The following ESRRG variants were observed in gnomAD, a reference collection of about 807,000 sequenced individuals.
The protein encoded by ESRRG is estrogen related receptor gamma.
ESRRG carries 13 observed loss-of-function variants against 44.0 expected under a neutral mutation model. The observed-to-expected ratio is 0.30, with a 90% confidence interval of 0.19 to 0.47. The LOEUF (loss-of-function observed/expected upper bound fraction) is 0.47. ESRRG is among the 20% of genes least tolerant of loss of function. The pLI, the probability that ESRRG is intolerant of heterozygous loss-of-function variation, is 1.00. For missense variants in ESRRG, 395 were observed against 580.6 expected, an observed-to-expected ratio of 0.68 and a Z score of 3.29; for synonymous variants, 215 against 214.6, an observed-to-expected ratio of 1.00 and a Z score of -0.02.
At chr1:216,567,692 A>C (rs955820415) in intron 4 of ESRRG, among the ~76,000 whole-genome samples, 14 of 152,172 alleles carry the variant, frequency 9.2e-5, no homozygotes, top group African/African-American at 3.4e-4. Flanking sequence ...ATAACCAGTA[A>C]ATGTAAAATT....
intron 2 of ESRRG, among the ~76,000 whole-genome samples, chr1:216,842,524 T>C (rs1012605377): frequency 1.3e-5 from 2 of 152,138 alleles, no homozygotes; most frequent in African/African-American, 4.8e-5. Flanking sequence ...ATATATGTAT[T>C]CTGTCACAAA....
chr1:216,635,097 C>A (rs1311449378), intron 3 of ESRRG, among the ~76,000 whole-genome samples: 6 of 152,056 alleles, frequency 3.9e-5, no homozygotes, highest in East Asian at 1.9e-4. Context: ...AACTGTAGTA[C>A]AGGCACAAAA....
At chr1:216,781,480 A>G (rs2093933248) in intron 2 of ESRRG, among the ~76,000 whole-genome samples, 1 of 152,082 alleles carries the variant, frequency 6.6e-6, no homozygotes, top group African/African-American at 2.4e-5. Context: ...CTGTGTGAGC[A>G]TATGCAGAAG....
In ESRRG at chr1:216,615,334, C is replaced by T. The variant is rs114270180; in HGVS notation, c.589+35639G>A. On this transcript the variant is annotated intron_variant, in intron 3 of 6. Coordinates refer to ENST00000408911, the MANE Select transcript of ESRRG (RefSeq NM_001438.4). The stretch of plus-strand genomic sequence containing the variant: ...TTGAGCACTTCTTTCCTAAAGAAAT[C>T]GGGTTATACTTTCAAGTTCTTTGGC... Among the ~76,000 whole-genome samples, 128 of 152,292 alleles carry T rather than the reference C, an allele frequency of 8.4e-4. 2 individuals are homozygous for T. The highest frequency in any genetic ancestry group is 2.8e-3 in the African/African-American group (116 of 41,560).
chr1:216,625,251 C>A lies in ESRRG; in HGVS notation c.589+25722G>T, dbSNP rs1168748045. ...TTCCTTTCTCAGAAACACGTACTGG[C>A]TCAAAACTGTTGTTATATTAACTCT... is the stretch of plus-strand genomic sequence containing the variant. On this transcript the variant is annotated intron_variant, in intron 3 of 6. Coordinates refer to ENST00000408911, the MANE Select transcript of ESRRG (RefSeq NM_001438.4). 2.0e-5 allele frequency among the ~76,000 whole-genome samples: 3 copies of A among 151,962 alleles called. No individual in the cohort carries two copies. The East Asian group carries it at 5.8e-4, about 29-fold the overall frequency.
chr1:216,927,648 G>T (rs1464710771), intron 2 of ESRRG, among the ~76,000 whole-genome samples: 1 of 152,222 alleles, frequency 6.6e-6, no homozygotes, highest in Non-Finnish European at 1.5e-5. Flanking sequence ...GAGCTTGATG[G>T]CTAAGGCACG....
chr1:217,098,438 A>G (rs2092457572), intron 1 of ESRRG, among the ~76,000 whole-genome samples: 1 of 152,210 alleles, frequency 6.6e-6, no homozygotes, highest in South Asian at 2.1e-4. Context: ...GCCAAAAAGA[A>G]AGCTTAGCTT....
intron 1 of ESRRG, among the ~76,000 whole-genome samples, chr1:216,687,609 T>C (rs777577409): frequency 1.3e-5 from 2 of 152,192 alleles, no homozygotes; most frequent in African/African-American, 2.4e-5. Flanking sequence ...AAGGGATCCA[T>C]GCAATTTGTT....
intron 1 of ESRRG, among the ~76,000 whole-genome samples, chr1:217,102,358 T>G (rs2092529712): frequency 6.6e-6 from 1 of 152,210 alleles, no homozygotes; most frequent in Non-Finnish European, 1.5e-5. Context: ...ATTGCTGCTA[T>G]TATTTTTAAA....
chr1:216,910,950 T>C (rs4147268), intron 2 of ESRRG, among the ~76,000 whole-genome samples: 103,778 of 152,030 alleles, frequency 0.68, 35,853 homozygotes, highest in East Asian at 0.92. Flanking sequence ...AAACGTTAGG[T>C]CCATACATCT....
rs557651367 is a variant in ESRRG at position 216,521,308 on chromosome 1, C to A, written c.863-1887G>T. ...AGGCTCCAGATGCTTTTAATTTTAG[C>A]AATGTTATATTCACAACAAACAAAC... On this transcript the variant is annotated intron_variant, in intron 5 of 6. Coordinates refer to ENST00000408911, the MANE Select transcript of ESRRG (RefSeq NM_001438.4). Among the ~76,000 whole-genome samples the A allele has an allele frequency of 6.6e-5, 10 of 152,224 alleles. No individual in the cohort carries two copies. In the East Asian group the frequency reaches 1.7e-3, roughly 26 times the overall value.
chr1:217,101,421 A>T (rs1422265751), intron 1 of ESRRG, among the ~76,000 whole-genome samples: 2 of 152,220 alleles, frequency 1.3e-5, no homozygotes, highest in East Asian at 3.8e-4. Context: ...CACATGTGTT[A>T]ATGATCCTTA....
At chr1:216,711,951 G>A (rs1039414967) in intron 1 of ESRRG, among the ~76,000 whole-genome samples, 1 of 152,114 alleles carries the variant, frequency 6.6e-6, no homozygotes, top group Non-Finnish European at 1.5e-5. Context: ...AACTTCACAT[G>A]ATTCTTTCTA....
At chr1:216,886,257 T>G in intron 2 of ESRRG, among the ~76,000 whole-genome samples, 1 of 152,166 alleles carries the variant, frequency 6.6e-6, no homozygotes, top group South Asian at 2.1e-4. Context: ...TAGGGTCACC[T>G]GGAGCTGCAA....
intron 1 of ESRRG, among the ~76,000 whole-genome samples, chr1:216,962,809 AC>A (rs1382001729): frequency 6.6e-6 from 1 of 152,190 alleles, no homozygotes; most frequent in Non-Finnish European, 1.5e-5. Flanking sequence ...CTCAGAAAAA[AC>A]AGTGAACATG....
intron 2 of ESRRG, among the ~76,000 whole-genome samples, chr1:216,903,421 G>A (rs1175494973): frequency 8.5e-6 from 1 of 117,704 alleles, no homozygotes; most frequent in Non-Finnish European, 1.7e-5. Context: ...GTGGTTGTGT[G>A]TGTTCAAGTG....
intron 5 of ESRRG, among the ~76,000 whole-genome samples, chr1:216,524,865 G>T (rs2047156507): frequency 6.6e-6 from 1 of 152,104 alleles, no homozygotes; most frequent in Non-Finnish European, 1.5e-5. Flanking sequence ...GCAGTTGTGA[G>T]GAACTAAAAG....
chr1:216,602,602 G>A (rs2059398296), intron 3 of ESRRG, among the ~76,000 whole-genome samples: 2 of 152,162 alleles, frequency 1.3e-5, no homozygotes, highest in African/African-American at 4.8e-5. Flanking sequence ...TGAGTTAAAT[G>A]TTCCCAAGTG....
intron 5 of ESRRG, among the ~76,000 whole-genome samples, chr1:216,547,243 G>A (rs1388458872): frequency 7.5e-6 from 1 of 132,756 alleles, no homozygotes. Flanking sequence ...GCTGGATGAT[G>A]TTGATGTTGT....
Sources: gnomAD v4.1 joint callset for allele counts (sites outside exome capture counted in the v4.1 genomes callset) on GRCh38, gnomAD v4.1.1 for gene constraint, MANE v1.5 for transcripts, NCBI Gene and HGNC (gene_info 2026-07-23, HGNC 2026-07-21) for gene names.